MARCHF10: variants seen among roughly 807,000 people sequenced by gnomAD.
MARCHF10 encodes the protein probable E3 ubiquitin-protein ligase MARCHF10.
A neutral mutation model predicts 76.2 loss-of-function variants in MARCHF10; 64 were observed. The ratio of observed to expected loss-of-function variants is 0.84; its 90% confidence interval spans 0.69 to 1.03. MARCHF10 has a LOEUF of 1.03. MARCHF10 is among the 50% of genes least tolerant of loss of function. MARCHF10 has a pLI of 0.00. For missense variants in MARCHF10, 875 were observed against 958.0 expected, an observed-to-expected ratio of 0.91 and a Z score of 1.14; for synonymous variants, 340 against 357.5, an observed-to-expected ratio of 0.95 and a Z score of 0.55.
intron 3 of MARCHF10, among the ~76,000 whole-genome samples, chr17:62,763,832 C>T (rs916401961): frequency 3.3e-5 from 5 of 152,126 alleles, no homozygotes; most frequent in African/African-American, 4.8e-5. Context: ...AATAAGTTGA[C>T]GAAATCAGTA....
At chr17:62,721,271 G>A (rs2090472603) in intron 8 of MARCHF10, among the ~76,000 whole-genome samples, 1 of 152,048 alleles carries the variant, frequency 6.6e-6, no homozygotes, top group Non-Finnish European at 1.5e-5. Flanking sequence ...TTGTTAAAAC[G>A]AAGTGACAAC....
intron 2 of MARCHF10, among the ~76,000 whole-genome samples, chr17:62,793,863 G>T: frequency 1.4e-5 from 1 of 70,586 alleles, no homozygotes; most frequent in Non-Finnish European, 2.8e-5. Flanking sequence ...CCACTACCAC[G>T]TCCATCAACC....
Position 62,729,503 on chromosome 17 carries a change from AAAT to A in MARCHF10, c.1938-4402_1938-4400del, listed in dbSNP as rs1156325128. Among the ~76,000 whole-genome samples, 7 of 148,142 alleles carry A rather than the reference AAAT, an allele frequency of 4.7e-5. No homozygotes were observed. The South Asian group carries it at 1.5e-3, about 31-fold the overall frequency. ...TATATTTATTATATAAATATACTAA[AAAT>A]ATATTTAATCTATGTGTGTATATAT... On this transcript the variant is annotated intron_variant, in intron 6 of 10. Transcript: ENST00000311269.
At chr17:62,708,938 T>C (rs1238236204) in intron 9 of MARCHF10, among the ~76,000 whole-genome samples, 1 of 152,186 alleles carries the variant, frequency 6.6e-6, no homozygotes, top group Non-Finnish European at 1.5e-5. Flanking sequence ...GGGAAGAGCT[T>C]ATGTTGTCAA....
intron 3 of MARCHF10, among the ~76,000 whole-genome samples, chr17:62,761,507 C>T (rs571248971): frequency 2.0e-5 from 3 of 152,190 alleles, no homozygotes; most frequent in South Asian, 2.1e-4. Flanking sequence ...CTGCAACCTC[C>T]GCCTCTCGGG....
intron 6 of MARCHF10, among the ~76,000 whole-genome samples, chr17:62,733,665 A>T (rs1157092595): frequency 6.6e-6 from 1 of 152,232 alleles, no homozygotes; most frequent in African/African-American, 2.4e-5. Context: ...CATTTGCAGC[A>T]AACAATAAAG....
intron 3 of MARCHF10, among the ~76,000 whole-genome samples, chr17:62,777,912 G>A (rs2092583495): frequency 6.6e-6 from 1 of 151,914 alleles, no homozygotes; most frequent in Non-Finnish European, 1.5e-5. Flanking sequence ...TACCTTCCTG[G>A]GCAAAGCCAA....
intron 5 of MARCHF10, 149 bp from the exon 6 acceptor site, chr17:62,737,481 AG>A: frequency 1.4e-6 from 1 of 723,728 alleles, no homozygotes; most frequent in Middle Eastern, 3.9e-4. Context: ...GAGGTACAAG[AG>A]GAGCAGAGCC....
chr17:62,719,851 GTTTTC>G (rs1441577241), intron 8 of MARCHF10, among the ~76,000 whole-genome samples: 2 of 151,940 alleles, frequency 1.3e-5, no homozygotes, highest in Non-Finnish European at 2.9e-5. Context: ...ATCCTGCTCT[GTTTTC>G]TTTTCTTTTT....
At chr17:62,801,996 G>C (rs1259384619) in intron 1 of MARCHF10, among the ~76,000 whole-genome samples, 1 of 152,100 alleles carries the variant, frequency 6.6e-6, no homozygotes, top group Admixed American at 6.6e-5. Flanking sequence ...ATCCTGTCCT[G>C]GTTACTCAGA....
At chr17:62,763,659 T>C (rs1388498550) in intron 3 of MARCHF10, among the ~76,000 whole-genome samples, 2 of 152,100 alleles carry the variant, frequency 1.3e-5, no homozygotes, top group Non-Finnish European at 2.9e-5. Flanking sequence ...GCTATTCCTT[T>C]GGGGGACGAA....
intron 8 of MARCHF10, among the ~76,000 whole-genome samples, chr17:62,716,094 A>G (rs779558098): frequency 6.6e-6 from 1 of 152,210 alleles, no homozygotes; most frequent in Non-Finnish European, 1.5e-5. Flanking sequence ...TTCTTCAGAA[A>G]GGCCTTCTCT....
chr17:62,730,786 C>T (rs956348992), intron 6 of MARCHF10, among the ~76,000 whole-genome samples: 3 of 151,878 alleles, frequency 2.0e-5, no homozygotes, highest in Non-Finnish European at 2.9e-5. Context: ...CCCAGCTACT[C>T]GGGAGGCTGA....
At position 62,737,328 on chromosome 17, in the gene MARCHF10, T is replaced by C. The variant is rs747153027; in HGVS notation, c.540A>G (p.Gln180=). 6.2e-6 allele frequency: 10 copies of C among 1,606,036 alleles called. No individual in the cohort carries two copies. The highest frequency in any genetic ancestry group is 5.6e-5 in the South Asian group (5 of 88,944). The stretch of plus-strand genomic sequence containing the variant: ...ACATCAGGCCTTCTTGTTGAACTAC[T>C]TGATCTGCATTGAGAAAAGACACAT... ...AKVPVPRGAD[Q]VVQQEGLMCN... The change falls in exon 6 of 11, where the codon CAA becomes CAG. Residue 180 remains glutamine, a synonymous_variant. Transcript: ENST00000311269.
At chr17:62,795,356 C>CAAAAAAAAAAAAAA (rs61564298) in intron 2 of MARCHF10, among the ~76,000 whole-genome samples, 2 of 52,936 alleles carry the variant, frequency 3.8e-5, no homozygotes, top group African/African-American at 1.4e-4. Context: ...ATCATTTGAT[C>CAAAAAAAAAAAAAA]AAAAAAAAAA....
intron 3 of MARCHF10, among the ~76,000 whole-genome samples, chr17:62,778,002 C>A (rs984991877): frequency 1.3e-5 from 2 of 152,200 alleles, no homozygotes; most frequent in Non-Finnish European, 2.9e-5. Context: ...ATGCATGGAG[C>A]TCCTATTATG....
chr17:62,776,520 A>C (rs2092558019), intron 3 of MARCHF10, among the ~76,000 whole-genome samples: 1 of 152,240 alleles, frequency 6.6e-6, no homozygotes, highest in Non-Finnish European at 1.5e-5. Context: ...GACGAAGCAC[A>C]GAAATGAAGG....
chr17:62,777,928 C>G (rs1445419600), intron 3 of MARCHF10, among the ~76,000 whole-genome samples: 2 of 152,080 alleles, frequency 1.3e-5, no homozygotes, highest in Admixed American at 6.5e-5. Flanking sequence ...GCCAACAACC[C>G]TCCTGGGCTA....
chr17:62,748,287 C>CT (rs1455481384), intron 4 of MARCHF10, among the ~76,000 whole-genome samples: 26 of 152,150 alleles, frequency 1.7e-4, no homozygotes, highest in African/African-American at 5.8e-4. Flanking sequence ...ATCCCAGCTA[C>CT]TACGGAGGCT....
Sources: gnomAD v4.1 joint callset for allele counts (sites outside exome capture counted in the v4.1 genomes callset) on GRCh38, gnomAD v4.1.1 for gene constraint, MANE v1.5 for transcripts, NCBI Gene and HGNC (gene_info 2026-07-23, HGNC 2026-07-21) for gene names.